The following MAG variants were observed in gnomAD, a reference collection of about 807,000 sequenced individuals.
The protein encoded by MAG is myelin associated glycoprotein.
In MAG, 30 loss-of-function variants were observed where a neutral mutation model predicts 60.7. The observed-to-expected ratio is 0.49, with a 90% CI of 0.37 to 0.67. MAG has a LOEUF of 0.67. MAG is among the 30% of genes least tolerant of loss of function. The pLI, the probability that MAG is intolerant of heterozygous loss-of-function variation, is 0.00. For missense variants in MAG, 795 were observed against 851.7 expected (o/e 0.93, Z 0.83); for synonymous variants, 384 against 376.8 (o/e 1.02, Z -0.22).
In MAG at chr19:35,302,480, A is replaced by G; in HGVS notation, c.1003A>G (p.Met335Val). The change falls in exon 7 of 11, where the codon ATG (methionine) becomes GTG (valine). Residue 335 changes from methionine to valine, a missense_variant. Transcript: ENST00000392213. ...CTGGAAGCCAACAGTGAACGGGACA[A>G]TGGTGGCCGTAGAGGGGGAGACGGT... ...APWKPTVNGT[M>V]VAVEGETVSI... 6.2e-7 allele frequency: 1 copy of G among 1,614,186 alleles called. No homozygotes were observed. The highest frequency in any genetic ancestry group is 1.1e-5 in the South Asian group (1 of 91,086).
rs191867684 is a variant in MAG at position 35,292,891 on chromosome 19, C to T, written c.-80+687C>T. On this transcript the variant is annotated intron_variant, in intron 1 of 10. Transcript: ENST00000392213. ...CTGGGTTTACAGGCGTGAGCCACTG[C>T]GCCCGGCCCCAACTACAGAAACTTT... Among the ~76,000 whole-genome samples, 5 of 152,206 alleles carry T rather than the reference C, an allele frequency of 3.3e-5. No individual in the cohort carries two copies. The East Asian group carries it at 7.7e-4, about 23-fold the overall frequency.
At chr19:35,307,221 G>A (rs1195010919) in intron 7 of MAG, among the ~76,000 whole-genome samples, 1 of 152,260 alleles carries the variant, frequency 6.6e-6, no homozygotes, top group Non-Finnish European at 1.5e-5. Flanking sequence ...TGCCCGAACA[G>A]GACTTTTTAT....
At chr19:35,310,944 G>A (rs1019286096) in intron 9 of MAG, among the ~76,000 whole-genome samples, 1 of 152,186 alleles carries the variant, frequency 6.6e-6, no homozygotes, top group African/African-American at 2.4e-5. Context: ...ACACTCCAGT[G>A]TGGTGGGGAA....
At chr19:35,312,337 G>A (rs1336461475) in intron 10 of MAG, 3 of 1,610,856 alleles carry the variant, frequency 1.9e-6, no homozygotes, top group Non-Finnish European at 2.5e-6. Context: ...TAGGTTCCGG[G>A]GGCCTCAGTG....
intron 7 of MAG, 136 bp from the exon 8 acceptor site, chr19:35,309,738 G>A (rs2066511515): frequency 4.5e-6 from 4 of 895,932 alleles, no homozygotes; most frequent in Non-Finnish European, 6.9e-6. Context: ...AAAAAAGGAG[G>A]GGAAATTGGA....
At chr19:35,301,844 G>A (rs1388856466) in intron 6 of MAG, among the ~76,000 whole-genome samples, 1 of 152,088 alleles carries the variant, frequency 6.6e-6, no homozygotes, top group Non-Finnish European at 1.5e-5. Context: ...GGGATTACAG[G>A]TGTGAGCCAC....
chr19:35,307,288 G>A (rs529856174), intron 7 of MAG, among the ~76,000 whole-genome samples: 2 of 152,238 alleles, frequency 1.3e-5, no homozygotes, highest in African/African-American at 2.4e-5. Flanking sequence ...GAATCCGTGT[G>A]CCCGTGTGAC....
intron 6 of MAG, 66 bp from the exon 7 acceptor site, chr19:35,302,357 GTGGGATCTGGGGTCATATCTGGGGA>G: frequency 1.3e-6 from 2 of 1,499,108 alleles, no homozygotes; most frequent in Non-Finnish European, 1.8e-6. Context: ...TAGGTTTGGG[GTGGGATCTGGGGTCATATCTGGGGA>G]TGGTAGTTGG....
At chr19:35,294,843 T>G (rs1312046931) in intron 2 of MAG, among the ~76,000 whole-genome samples, 1 of 152,148 alleles carries the variant, frequency 6.6e-6, no homozygotes, top group Non-Finnish European at 1.5e-5. Context: ...TCCCAGTTAC[T>G]CTGAAGGATC....
At chr19:35,300,547 A>G in intron 6 of MAG, 143 bp downstream of exon 6, 3 of 1,034,850 alleles carry the variant, frequency 2.9e-6, no homozygotes, top group Non-Finnish European at 4.0e-6. Context: ...GGGGGGTTGC[A>G]AGTCAAGGTG....
chr19:35,310,096 G>A lies in MAG; in HGVS notation c.1454G>A (p.Arg485His), dbSNP rs1304260702. 1 of 1,612,902 alleles carries A rather than the reference G, an allele frequency of 6.2e-7. No homozygotes were observed. Among genetic ancestry groups the A allele is most frequent in the Non-Finnish European group, 8.5e-7 (1 of 1,179,530 alleles). Reference sequence around the variant, plus strand: ...CGGGGGCAGGCCCAGGCCCCGCCCCGCGTCATCTGCACCGCGAGGAACCTC... The same window carrying A: ...CGGGGGCAGGCCCAGGCCCCGCCCCACGTCATCTGCACCGCGAGGAACCTC... Reference protein sequence around the residue: ...TLRGQAQAPPRVICTARNLYG... With the variant: ...TLRGQAQAPPHVICTARNLYG... The change falls in exon 8 of 11, where the codon CGC becomes CAC. Residue 485 changes from arginine (R) to histidine (H), a missense_variant. By Grantham distance (29) the Arg-to-His change is conservative. Transcript: ENST00000392213.
At chr19:35,297,789 CCCA>C (rs1568471077) in intron 4 of MAG, among the ~76,000 whole-genome samples, 1 of 147,814 alleles carries the variant, frequency 6.8e-6, no homozygotes, top group Non-Finnish European at 1.5e-5. Flanking sequence ...ATGCGCCACC[CCCA>C]CATCACAACA....
At chr19:35,292,790 G>A (rs542772126) in intron 1 of MAG, among the ~76,000 whole-genome samples, 1 of 151,752 alleles carries the variant, frequency 6.6e-6, no homozygotes, top group East Asian at 1.9e-4. Context: ...TAAGAGACGG[G>A]ACTCTCACTA....
Position 35,302,651 on chromosome 19 carries a change from T to C in MAG, c.1174T>C (p.Cys392Arg). The C allele has an allele frequency of 6.2e-7, 1 of 1,614,054 alleles. No individual in the cohort carries two copies. Among genetic ancestry groups the C allele is most frequent in the Non-Finnish European group, 8.5e-7 (1 of 1,180,012 alleles). Residue 392 changes from cysteine to arginine, a missense_variant, in exon 7 of 11, where the codon TGT becomes CGT. By Grantham distance (180) the Cys-to-Arg change is radical. Coordinates refer to ENST00000392213, the MANE Select transcript of MAG (RefSeq NM_002361.4). ...ACCCGAGGATGATGGAGAGTACTGG[T>C]GTGTGGCTGAGAACCAGTATGGCCA... ...VSPEDDGEYW[C>R]VAENQYGQRA...
At chr19:35,302,746 G>T in intron 7 of MAG, 38 bp downstream of exon 7, 1 of 1,600,752 alleles carries the variant, frequency 6.2e-7, no homozygotes, top group African/African-American at 1.3e-5. Flanking sequence ...GGGATGGACG[G>T]TTCCGTGGGG....
rs758173660 is a variant in MAG, at chr19:35,295,401, T to C, written c.-8T>C. On this transcript the variant is annotated 5_prime_UTR_variant, in exon 3 of 11. Transcript: ENST00000392213. The surrounding 1 kb of genome is among the most constrained non-coding windows in gnomAD (Gnocchi z 5.8). ...CCCTTTCCAGCGATCACTCACTCGC[T>C]GTACAGAATGATATTCCTCACGGCA... 2 of 1,614,024 alleles carry C rather than the reference T, an allele frequency of 1.2e-6. No homozygotes were observed. The highest frequency in any genetic ancestry group is 2.2e-5 in the South Asian group (2 of 91,080).
Position 35,295,641 on chromosome 19 carries a change from G to A in MAG, c.75G>A (p.Trp25Ter). ...CCCGAGGGGGTCACTGGGGTGCCTG[G>A]ATGCCCTCGTCCATCTCGGCCTTCG... ...SASRGGHWGA[W>*]MPSSISAFEG... The change falls in exon 4 of 11, where the codon TGG (tryptophan) becomes TGA (stop). Residue 25 changes from tryptophan (W) to a stop codon, truncating the protein, a stop_gained. Transcript: ENST00000392213. LOFTEE classifies it high-confidence loss of function. The surrounding 1 kb of genome is among the most constrained non-coding windows in gnomAD (Gnocchi z 5.8). 3.1e-6 allele frequency: 5 copies of A among 1,609,670 alleles called. No individual in the cohort carries two copies. The highest frequency in any genetic ancestry group is 4.2e-6 in the Non-Finnish European group (5 of 1,179,178).
rs564593772 is a variant in MAG, at chr19:35,305,058, C to T, written c.1231+2350C>T. On this transcript the variant is annotated intron_variant, in intron 7 of 10. Transcript: ENST00000392213. The stretch of plus-strand genomic sequence containing the variant: ...AGCTCTTAGCACTCTAGGACTCAAT[C>T]CGGCTTCTCTTGAAAACGAACACGC... 3.3e-3 allele frequency among the ~76,000 whole-genome samples: 498 copies of T among 152,296 alleles called. 4 individuals are homozygous for T. The highest frequency in any genetic ancestry group is 3.4e-3 in the Admixed American group (52 of 15,302).
chr19:35,304,064 C>T (rs1440495980), intron 7 of MAG, among the ~76,000 whole-genome samples: 4 of 152,204 alleles, frequency 2.6e-5, no homozygotes, highest in African/African-American at 4.8e-5. Flanking sequence ...GTCTGCTACA[C>T]AGTACATGCT....
Sources: allele counts gnomAD v4.1 joint callset (sites outside exome capture counted in the v4.1 genomes callset), GRCh38; gene constraint gnomAD v4.1.1; non-coding constraint Gnocchi (gnomAD v3.1); transcripts MANE v1.5; gene names NCBI Gene and HGNC (gene_info 2026-07-23, HGNC 2026-07-21).